INPP5D: variants seen among roughly 807,000 people sequenced by gnomAD.
The protein encoded by INPP5D is inositol polyphosphate-5-phosphatase D, also known as phosphatidylinositol 3,4,5-trisphosphate 5-phosphatase 1.
In INPP5D, 33 loss-of-function variants were observed where a neutral mutation model predicts 122.9. That is an observed-to-expected ratio of 0.27 (90% CI 0.20 to 0.36). The LOEUF (loss-of-function observed/expected upper bound fraction) is 0.36. Ranked by LOEUF, INPP5D falls within the 10% of genes least tolerant of loss-of-function variation. The pLI is 1.00. For synonymous variants in INPP5D, 584 were observed against 576.2 expected (o/e 1.01, Z -0.19); for missense variants, 1,053 against 1,412.7 (o/e 0.75, Z 4.08).
At chr2:233,185,292 T>A (rs1374616429) in intron 20 of INPP5D, among the ~76,000 whole-genome samples, 1 of 151,950 alleles carries the variant, frequency 6.6e-6, no homozygotes, top group Non-Finnish European at 1.5e-5. Context: ...CTTCTCCAAC[T>A]GAGGTGGGCC....
intron 2 of INPP5D, among the ~76,000 whole-genome samples, chr2:233,108,344 C>T (rs1301460885): frequency 6.6e-6 from 1 of 152,216 alleles, no homozygotes; most frequent in Non-Finnish European, 1.5e-5. Flanking sequence ...GCTCTTCTGA[C>T]AGCATCTCTG....
chr2:233,171,378 A>C, intron 17 of INPP5D: 1 of 520,784 alleles, frequency 1.9e-6, no homozygotes, highest in Non-Finnish European at 3.2e-6. Flanking sequence ...CTGTCCAGAT[A>C]CTCTAAGATG....
intron 22 of INPP5D, among the ~76,000 whole-genome samples, chr2:233,191,795 A>G (rs1278935214): frequency 1.3e-5 from 2 of 152,174 alleles, no homozygotes; most frequent in Admixed American, 1.3e-4. Flanking sequence ...AAGGGAGCAC[A>G]TTTATCCACG....
At chr2:233,079,119 C>G (rs1238376892) in intron 1 of INPP5D, among the ~76,000 whole-genome samples, 1 of 152,136 alleles carries the variant, frequency 6.6e-6, no homozygotes, top group Admixed American at 6.5e-5. Context: ...TTTCCTGGTG[C>G]TCCCTGAGTG....
At chr2:233,060,666 G>A in intron 1 of INPP5D, 54 bp downstream of exon 1, 1 of 1,602,420 alleles carries the variant, frequency 6.2e-7, no homozygotes, top group Non-Finnish European at 8.5e-7. Context: ...GGGCTTAGAG[G>A]GGGCCCAGCT....
chr2:233,073,315 T>A lies in INPP5D; in HGVS notation c.135-6020T>A, dbSNP rs543140308. On this transcript the variant is annotated intron_variant, in intron 1 of 26. Transcript: ENST00000445964. Reference sequence around the variant, plus strand: ...AGTGACAGGCTCTTAGGTTGGTTAATCTCTTCTGCTTTTTGTTTTTATATT... The same window carrying A: ...AGTGACAGGCTCTTAGGTTGGTTAAACTCTTCTGCTTTTTGTTTTTATATT... Among the ~76,000 whole-genome samples, 3 of 152,272 alleles carry A rather than the reference T, an allele frequency of 2.0e-5. No homozygotes were observed. In the South Asian group the frequency reaches 6.2e-4, roughly 32 times the overall value.
At position 233,082,017 on chromosome 2, in the gene INPP5D, C is replaced by T. The variant is rs1358666118; in HGVS notation, c.198+2619C>T. ...GGGGCAGCGTGCCTCCTTAAGGTCT[C>T]CGCTTAGCCAGGACAGTGGGCGGGC... is the stretch of plus-strand genomic sequence containing the variant. On this transcript the variant is annotated intron_variant, in intron 2 of 26. Transcript: ENST00000445964. The surrounding 1 kb of genome is among the most constrained non-coding windows in gnomAD (Gnocchi z 4.7). Among the ~76,000 whole-genome samples, 1 of 152,134 alleles carries T rather than the reference C, an allele frequency of 6.6e-6. No homozygotes were observed. The highest frequency in any genetic ancestry group is 1.5e-5 in the Non-Finnish European group (1 of 68,030).
At chr2:233,179,014 G>C (rs539183564) in intron 18 of INPP5D, among the ~76,000 whole-genome samples, 1 of 152,184 alleles carries the variant, frequency 6.6e-6, no homozygotes, top group Non-Finnish European at 1.5e-5. Context: ...CTGCCCAGAA[G>C]AGCCCAGAGC....
chr2:233,111,076 C>T (rs1186679217), intron 2 of INPP5D, among the ~76,000 whole-genome samples: 4 of 152,172 alleles, frequency 2.6e-5, no homozygotes, highest in African/African-American at 9.7e-5. Flanking sequence ...TACTGTTTAT[C>T]ATCATTTCAG....
At chr2:233,146,141 C>T (rs1268439841) in intron 6 of INPP5D, 21 bp from the exon 7 acceptor site, 1 of 704,034 alleles carries the variant, frequency 1.4e-6, no homozygotes, top group Admixed American at 2.0e-5. Flanking sequence ...CTGCCCTGAT[C>T]CTCTTTCCCT....
intron 2 of INPP5D, among the ~76,000 whole-genome samples, chr2:233,079,860 G>A (rs76880823): frequency 0.036 from 5,441 of 152,324 alleles, 400 homozygotes; most frequent in East Asian, 0.26. Flanking sequence ...TGTTCTGTCC[G>A]AGGCTGGTGC....
intron 1 of INPP5D, among the ~76,000 whole-genome samples, chr2:233,077,245 A>C (rs1027787759): frequency 6.6e-6 from 1 of 152,218 alleles, no homozygotes; most frequent in African/African-American, 2.4e-5. Context: ...ACTTACTTAC[A>C]AACAGGAATA....
Position 233,169,577 on chromosome 2 carries a change from C to T in INPP5D, c.1652+176C>T, listed in dbSNP as rs1256359935. 6.1e-6 allele frequency: 6 copies of T among 980,186 alleles called. No homozygotes were observed. The Admixed American group carries it at 1.2e-4, about 19-fold the overall frequency. 60.7% of individuals were successfully genotyped at this position (980,186 alleles called of 1,614,324 possible). On this transcript the variant is annotated intron_variant, in intron 14 of 26. Transcript: ENST00000445964. ...AAGGCAACTGCAGCACCATAGTGAC[C>T]TCACGTGTGGAGGAATTTTGTCTGA...
chr2:233,115,467 T>A (rs1481066361), intron 2 of INPP5D, among the ~76,000 whole-genome samples: 2 of 152,212 alleles, frequency 1.3e-5, no homozygotes, highest in Non-Finnish European at 2.9e-5. Context: ...GAACTGTTTC[T>A]GGAAATGCAG....
chr2:233,060,655 G>A (rs763453902), intron 1 of INPP5D, 43 bp downstream of exon 1: 4 of 1,605,410 alleles, frequency 2.5e-6, no homozygotes, highest in South Asian at 2.2e-5. Context: ...ATATGACAGA[G>A]GGGCTTAGAG....
Position 233,169,389 on chromosome 2 carries a change from A to C in INPP5D, c.1640A>C (p.Glu547Ala), listed in dbSNP as rs1376134560. ...FVNSHLTSGS[E>A]KKLRRNQNYM... ...AACAGCCACTTGACTTCAGGAAGTG[A>C]AAAGAAACTCAGGTAATGGAACTCC... The change falls in exon 14 of 27, where the codon GAA (glutamate) becomes GCA (alanine). Residue 547 changes from glutamate (E) to alanine (A), a missense_variant. By Grantham distance (107) the Glu-to-Ala change is moderately radical (BLOSUM62 -1). Transcript: ENST00000445964. The C allele has an allele frequency of 6.3e-7, 1 of 1,591,712 alleles. No homozygotes were observed. The highest frequency in any genetic ancestry group is 8.6e-7 in the Non-Finnish European group (1 of 1,168,588).
intron 2 of INPP5D, among the ~76,000 whole-genome samples, chr2:233,113,502 A>C (rs6605277): frequency 0.31 from 46,765 of 152,046 alleles, 10,606 homozygotes; most frequent in African/African-American, 0.64. Flanking sequence ...TTTAAGAACA[A>C]ACATTTTGGA....
At chr2:233,159,693 CAAAAAAAAAA>C (rs548439384) in intron 10 of INPP5D, among the ~76,000 whole-genome samples, 1 of 92,006 alleles carries the variant, frequency 1.1e-5, no homozygotes, top group Non-Finnish European at 2.0e-5. Context: ...GATCCTGTCT[CAAAAAAAAAA>C]AAAAAAAAAA....
intron 1 of INPP5D, among the ~76,000 whole-genome samples, chr2:233,063,383 A>ACGGC (rs970471165): frequency 2.6e-5 from 4 of 152,202 alleles, no homozygotes; most frequent in Non-Finnish European, 5.9e-5. Context: ...CAAGGGGACA[A>ACGGC]CGGCCGGAGT....
Sources: allele counts gnomAD v4.1 joint callset (sites outside exome capture counted in the v4.1 genomes callset), GRCh38; gene constraint gnomAD v4.1.1; non-coding constraint Gnocchi (gnomAD v3.1); transcripts MANE v1.5; gene names NCBI Gene and HGNC (gene_info 2026-07-23, HGNC 2026-07-21).